SH3PXD2A: variants seen among roughly 807,000 people sequenced by gnomAD.
The protein encoded by SH3PXD2A is SH3 and PX domain-containing protein 2A.
In SH3PXD2A, 32 loss-of-function variants were observed where a neutral mutation model predicts 115.2. The ratio of observed to expected loss-of-function variants is 0.28; its 90% CI spans 0.21 to 0.37. SH3PXD2A has a LOEUF of 0.37. SH3PXD2A is among the 10% of genes least tolerant of loss of function. SH3PXD2A has a pLI of 1.00. For synonymous variants in SH3PXD2A, 610 were observed against 629.1 expected (o/e 0.97, Z 0.45); for missense variants, 1,328 against 1,498.7 (o/e 0.89, Z 1.88).
rs535902257 is a variant in SH3PXD2A, at chr10:103,631,713, G to T, written c.605-4511C>A. On this transcript the variant is annotated intron_variant, in intron 8 of 14. Coordinates refer to ENST00000369774, the MANE Select transcript of SH3PXD2A (RefSeq NM_001394015.1). ...TCCCCAAATTTCTGCTTACCAGGATGTAACCCCCAAGAATCCCAAAGAGCT... is the reference window on the plus strand; with the variant it reads ...TCCCCAAATTTCTGCTTACCAGGATTTAACCCCCAAGAATCCCAAAGAGCT... 9.8e-5 allele frequency among the ~76,000 whole-genome samples: 15 copies of T among 152,332 alleles called. No individual in the cohort carries two copies. The South Asian group carries it at 2.7e-3, about 27-fold the overall frequency.
rs1334020584 is a variant in SH3PXD2A at position 103,602,682 on chromosome 10, T to C, written c.2536A>G (p.Met846Val). The C allele has an allele frequency of 3.7e-6, 6 of 1,613,884 alleles. No homozygotes were observed. The highest frequency in any genetic ancestry group is 2.2e-5 in the East Asian group (1 of 44,870). Reference sequence around the variant, plus strand: ...ACCTTCTGGTAGGCGCTGCATGTCATGTACGAGGTGGCTGGCCCTTCCCAT... The same window carrying C: ...ACCTTCTGGTAGGCGCTGCATGTCACGTACGAGGTGGCTGGCCCTTCCCAT... Reference protein sequence around the residue: ...KEWEGPATSYMTCSAYQKVQD... With the variant: ...KEWEGPATSYVTCSAYQKVQD... Residue 846 changes from methionine to valine, a missense_variant, in exon 15 of 15, where the codon ATG (methionine) becomes GTG (valine). Physicochemically the swap from Met to Val is conservative, Grantham distance 21. Around this residue, in one of 5 missense-constraint regions of SH3PXD2A, gnomAD observed 574 missense variants for 565.7 expected, o/e 1.01. Coordinates refer to ENST00000369774, the MANE Select transcript of SH3PXD2A (RefSeq NM_001394015.1).
intron 9 of SH3PXD2A, among the ~76,000 whole-genome samples, chr10:103,625,514 G>A (rs903151223): frequency 4.6e-5 from 7 of 152,258 alleles, no homozygotes; most frequent in Admixed American, 3.9e-4. Context: ...CAGGGTGGGG[G>A]CAAGGGCATT....
intron 7 of SH3PXD2A, among the ~76,000 whole-genome samples, chr10:103,663,018 T>C (rs2037335510): frequency 6.6e-6 from 1 of 152,132 alleles, no homozygotes; most frequent in South Asian, 2.1e-4. Flanking sequence ...TTGCCCAGGC[T>C]GGTCTTGAAC....
At chr10:103,613,684 C>T (rs111617379) in intron 11 of SH3PXD2A, among the ~76,000 whole-genome samples, 19 of 152,328 alleles carry the variant, frequency 1.2e-4, no homozygotes, top group African/African-American at 4.1e-4. Flanking sequence ...GTCTGTGGTA[C>T]CTTGCACAAG....
chr10:103,715,525 G>A (rs1254532090), intron 5 of SH3PXD2A, among the ~76,000 whole-genome samples: 1 of 152,214 alleles, frequency 6.6e-6, no homozygotes, highest in Non-Finnish European at 1.5e-5. Context: ...CTAGGAAAAG[G>A]AAGGGAGTAG....
chr10:103,660,933 C>G (rs774399973), intron 8 of SH3PXD2A, 50 bp downstream of exon 8: 3 of 1,604,952 alleles, frequency 1.9e-6, no homozygotes, highest in Non-Finnish European at 2.6e-6. Flanking sequence ...CAGCTCGGCC[C>G]GGGGGCCAGA....
intron 8 of SH3PXD2A, among the ~76,000 whole-genome samples, chr10:103,649,419 G>A (rs1053861863): frequency 2.0e-5 from 3 of 152,172 alleles, no homozygotes; most frequent in Non-Finnish European, 4.4e-5. Context: ...TTCCTCCCTC[G>A]ATGGCACGCC....
At chr10:103,789,944 T>C (rs2039018686) in intron 2 of SH3PXD2A, among the ~76,000 whole-genome samples, 1 of 152,114 alleles carries the variant, frequency 6.6e-6, no homozygotes, top group South Asian at 2.1e-4. Flanking sequence ...GGTGACGGTG[T>C]GCAGGAGATG....
intron 3 of SH3PXD2A, chr10:103,745,888 G>A (rs1349216327): frequency 1.3e-5 from 2 of 152,166 alleles, no homozygotes. Flanking sequence ...CGCCCCCTAG[G>A]GGCATTCTAG....
intron 5 of SH3PXD2A, among the ~76,000 whole-genome samples, chr10:103,722,038 T>G (rs1002037316): frequency 6.6e-6 from 1 of 151,662 alleles, no homozygotes; most frequent in Non-Finnish European, 1.5e-5. Context: ...CGCAGTTGCT[T>G]ATGCCTATAA....
chr10:103,718,720 C>G (rs2038138335), intron 5 of SH3PXD2A, among the ~76,000 whole-genome samples: 1 of 151,674 alleles, frequency 6.6e-6, no homozygotes. Context: ...GGCAAACACT[C>G]TTCCTTTCCC....
intron 6 of SH3PXD2A, among the ~76,000 whole-genome samples, chr10:103,676,201 T>G (rs1472742764): frequency 6.6e-6 from 1 of 152,184 alleles, no homozygotes; most frequent in Non-Finnish European, 1.5e-5. Context: ...GCCAAGGCTT[T>G]CTTTATTTCT....
chr10:103,820,418 T>G (rs1474349677), intron 1 of SH3PXD2A, among the ~76,000 whole-genome samples: 1 of 152,184 alleles, frequency 6.6e-6, no homozygotes, highest in East Asian at 1.9e-4. Context: ...CAGGGCAGCC[T>G]GCCAGGGGCT....
At chr10:103,689,240 G>A (rs1229943676) in intron 6 of SH3PXD2A, among the ~76,000 whole-genome samples, 3 of 152,174 alleles carry the variant, frequency 2.0e-5, no homozygotes, top group African/African-American at 7.2e-5. Context: ...GTCTAATAGA[G>A]AAGCAGTGAG....
At chr10:103,663,805 G>C (rs2037346388) in intron 7 of SH3PXD2A, among the ~76,000 whole-genome samples, 1 of 152,258 alleles carries the variant, frequency 6.6e-6, no homozygotes, top group African/African-American at 2.4e-5. Context: ...CCCCCCGGCA[G>C]TTTTCTCCCA....
intron 8 of SH3PXD2A, among the ~76,000 whole-genome samples, chr10:103,642,817 C>T (rs935428581): frequency 1.3e-5 from 2 of 152,110 alleles, no homozygotes; most frequent in African/African-American, 4.8e-5. Context: ...CGTACATGTA[C>T]GAGTTTGTAT....
chr10:103,769,733 C>G (rs147912792), intron 2 of SH3PXD2A, among the ~76,000 whole-genome samples: 1 of 152,172 alleles, frequency 6.6e-6, no homozygotes, highest in Non-Finnish European at 1.5e-5. Flanking sequence ...CGCCTGGCCA[C>G]GTGAGTTCTC....
intron 8 of SH3PXD2A, among the ~76,000 whole-genome samples, chr10:103,636,381 C>G (rs983145889): frequency 4.0e-5 from 6 of 150,256 alleles, no homozygotes; most frequent in Non-Finnish European, 5.9e-5. Context: ...TGCACTCCAG[C>G]CTGGGTGACA....
intron 2 of SH3PXD2A, among the ~76,000 whole-genome samples, chr10:103,789,812 C>T (rs900535604): frequency 6.6e-6 from 1 of 152,182 alleles, no homozygotes; most frequent in African/African-American, 2.4e-5. Context: ...CACACCCTGA[C>T]ATGACACTGC....
Sources: allele counts gnomAD v4.1 joint callset (sites outside exome capture counted in the v4.1 genomes callset), GRCh38; gene constraint gnomAD v4.1.1; regional missense constraint gnomAD v4.1.1; transcripts MANE v1.5; gene names NCBI Gene and HGNC (gene_info 2026-07-23, HGNC 2026-07-21).